Variants in GLIS3 observed in about 807,000 individuals in gnomAD.
GLIS3 encodes the protein zinc finger protein GLIS3.
Under a neutral mutation model 78.6 loss-of-function variants are expected in GLIS3, and 53 were observed. The ratio of observed to expected loss-of-function variants is 0.67; its 90% confidence interval spans 0.54 to 0.85. The LOEUF (loss-of-function observed/expected upper bound fraction) is 0.85. Ranked by LOEUF, GLIS3 falls within the 40% of genes least tolerant of loss-of-function variation. The pLI is 0.00. For synonymous variants in GLIS3, 684 were observed against 509.9 expected (o/e 1.34, Z -4.60); for missense variants, 1,703 against 1,231.1 (o/e 1.38, Z -5.74).
At chr9:4,360,968 A>G in the GLIS3 span, among the ~76,000 whole-genome samples, 1 of 152,200 alleles carries the variant, frequency 6.6e-6, no homozygotes, top group Non-Finnish European at 1.5e-5. Flanking sequence ...CCTTGACCTC[A>G]TTCTTGCATT....
At chr9:4,420,934 C>T in the GLIS3 span, among the ~76,000 whole-genome samples, 1 of 152,124 alleles carries the variant, frequency 6.6e-6, no homozygotes, top group African/African-American at 2.4e-5. Flanking sequence ...TTTTGTAGCA[C>T]TTGCATGAAT....
the GLIS3 span, among the ~76,000 whole-genome samples, chr9:4,469,849 G>T: frequency 6.6e-6 from 1 of 152,066 alleles, no homozygotes; most frequent in Non-Finnish European, 1.5e-5. Context: ...TCTAGGAGCT[G>T]TTTTTTTGAG....
At chr9:4,437,534 G>T in the GLIS3 span, among the ~76,000 whole-genome samples, 2 of 151,942 alleles carry the variant, frequency 1.3e-5, no homozygotes, top group African/African-American at 4.8e-5. Context: ...ATTTTACAGA[G>T]GACAAAACTG....
At chr9:4,277,542 G>A (rs750305734) in intron 2 of GLIS3, among the ~76,000 whole-genome samples, 3 of 152,126 alleles carry the variant, frequency 2.0e-5, no homozygotes, top group Non-Finnish European at 4.4e-5. Context: ...CAATTAGTTT[G>A]GTGTCCTTTG....
At chr9:4,075,091 AACAACAAC>A (rs1827931497) in intron 4 of GLIS3, among the ~76,000 whole-genome samples, 1 of 94,840 alleles carries the variant, frequency 1.1e-5, no homozygotes, top group Non-Finnish European at 1.8e-5. Flanking sequence ...GACTGAGATG[AACAACAAC>A]ACAACAACAA....
intron 4 of GLIS3, among the ~76,000 whole-genome samples, chr9:3,951,755 C>A (rs141007202): frequency 6.6e-6 from 1 of 150,620 alleles, no homozygotes; most frequent in East Asian, 2.0e-4. Flanking sequence ...TTTAGAAATG[C>A]AAATCAAATT....
chr9:3,938,351 T>C (rs756890850), intron 4 of GLIS3, among the ~76,000 whole-genome samples: 2 of 152,202 alleles, frequency 1.3e-5, no homozygotes, highest in Non-Finnish European at 2.9e-5. Flanking sequence ...AAGTTCCAGA[T>C]GGTTCCCATT....
At chr9:3,952,234 AG>A (rs932991022) in intron 4 of GLIS3, among the ~76,000 whole-genome samples, 12 of 152,106 alleles carry the variant, frequency 7.9e-5, no homozygotes, top group African/African-American at 2.9e-4. Context: ...ATACTTGTTT[AG>A]GGGGAAAAAG....
At chr9:4,195,449 G>A (rs1403035936) in intron 2 of GLIS3, among the ~76,000 whole-genome samples, 1 of 152,214 alleles carries the variant, frequency 6.6e-6, no homozygotes, top group Non-Finnish European at 1.5e-5. Context: ...CGGGCCAGCA[G>A]CTGCAGAGGG....
At chr9:4,106,910 CAT>C (rs1830797758) in intron 4 of GLIS3, among the ~76,000 whole-genome samples, 2 of 151,956 alleles carry the variant, frequency 1.3e-5, no homozygotes, top group South Asian at 4.1e-4. Context: ...GCCCCAAGAA[CAT>C]GTAATTTGGA....
chr9:4,146,229 A>T (rs1044190704), intron 2 of GLIS3, among the ~76,000 whole-genome samples: 1 of 152,196 alleles, frequency 6.6e-6, no homozygotes, highest in Non-Finnish European at 1.5e-5. Context: ...TTGTGTCTTT[A>T]ATGTTGAAGG....
At chr9:4,053,981 C>T (rs1446961230) in intron 4 of GLIS3, among the ~76,000 whole-genome samples, 4 of 152,192 alleles carry the variant, frequency 2.6e-5, no homozygotes, top group African/African-American at 9.6e-5. Flanking sequence ...CAAGAATTTA[C>T]TTCAAGGTCA....
At chr9:4,407,665 A>G in the GLIS3 span, among the ~76,000 whole-genome samples, 2 of 152,188 alleles carry the variant, frequency 1.3e-5, no homozygotes, top group African/African-American at 4.8e-5. Flanking sequence ...AGGAAAAAGA[A>G]AAAAAGAAAA....
chr9:4,393,268 C>G, the GLIS3 span, among the ~76,000 whole-genome samples: 104 of 152,276 alleles, frequency 6.8e-4, no homozygotes, highest in African/African-American at 2.2e-3. Flanking sequence ...ATTTCTAGCT[C>G]TAACACTAGT....
intron 7 of GLIS3, among the ~76,000 whole-genome samples, chr9:3,883,112 G>A (rs959279507): frequency 6.6e-6 from 1 of 152,152 alleles, no homozygotes; most frequent in Admixed American, 6.5e-5. Flanking sequence ...ACAACACTCT[G>A]GAGTCAGAGA....
At chr9:3,856,681 C>A (rs1367173913) in intron 8 of GLIS3, among the ~76,000 whole-genome samples, 2 of 152,166 alleles carry the variant, frequency 1.3e-5, no homozygotes, top group African/African-American at 4.8e-5. Context: ...TAATCCTATT[C>A]TCTTTGAACA....
the GLIS3 span, among the ~76,000 whole-genome samples, chr9:4,384,354 CTT>C: frequency 1.5e-4 from 22 of 149,532 alleles, no homozygotes; most frequent in Non-Finnish European, 2.8e-4. Context: ...AAAAAAAAAA[CTT>C]TTTAGAAATT....
At chr9:4,304,918 G>A (rs1587373754), upstream of GLIS3, among the ~76,000 whole-genome samples, 1 of 152,198 alleles carries the variant, frequency 6.6e-6, no homozygotes, top group Admixed American at 6.5e-5. Flanking sequence ...GCAGGGAAGA[G>A]TGTAATTTTA....
the GLIS3 span, among the ~76,000 whole-genome samples, chr9:4,426,157 G>T: frequency 1.4e-3 from 207 of 152,240 alleles, no homozygotes; most frequent in African/African-American, 4.8e-3. Context: ...CTCCAGAAAA[G>T]ATTTTAAAAC....
Sources: gnomAD v4.1 joint callset for allele counts (sites outside exome capture counted in the v4.1 genomes callset) on GRCh38, gnomAD v4.1.1 for gene constraint, MANE v1.5 for transcripts, NCBI Gene and HGNC (gene_info 2026-07-23, HGNC 2026-07-21) for gene names.